The following CNTN5 variants were observed in gnomAD, a reference collection of about 807,000 sequenced individuals.
The protein encoded by CNTN5 is contactin-5.
A neutral mutation model predicts 129.1 loss-of-function variants in CNTN5; 77 were observed. The observed-to-expected ratio is 0.60, with a 90% CI of 0.50 to 0.72. CNTN5 has a LOEUF of 0.72. CNTN5 is among the 30% of genes least tolerant of loss of function. CNTN5 has a pLI of 0.00. For synonymous variants in CNTN5, 509 were observed against 465.6 expected, an observed-to-expected ratio of 1.09 and a Z score of -1.20; for missense variants, 1,478 against 1,328.8, an observed-to-expected ratio of 1.11 and a Z score of -1.75.
chr11:99,568,367 G>A (rs1032860164), intron 3 of CNTN5, among the ~76,000 whole-genome samples: 3 of 152,170 alleles, frequency 2.0e-5, no homozygotes, highest in Admixed American at 6.5e-5. Context: ...GTGAATGAAT[G>A]TTTATATTAT....
intron 3 of CNTN5, among the ~76,000 whole-genome samples, chr11:99,654,687 C>T (rs921792804): frequency 3.3e-5 from 5 of 152,126 alleles, no homozygotes; most frequent in Admixed American, 6.6e-5. Context: ...CCCTTAAGTG[C>T]TTAAAAGGTC....
intron 16 of CNTN5, among the ~76,000 whole-genome samples, chr11:100,255,082 G>A (rs1034687939): frequency 6.6e-6 from 1 of 151,958 alleles, no homozygotes. Context: ...TAATCAAAAG[G>A]GAATTAATCC....
At chr11:99,688,310 G>C (rs1953882151) in intron 3 of CNTN5, among the ~76,000 whole-genome samples, 2 of 152,082 alleles carry the variant, frequency 1.3e-5, no homozygotes, top group Admixed American at 6.6e-5. Context: ...CCAAAGTGCT[G>C]GGATTACAGG....
intron 1 of CNTN5, among the ~76,000 whole-genome samples, chr11:99,215,124 T>C (rs1429821486): frequency 6.6e-6 from 1 of 152,148 alleles, no homozygotes; most frequent in Non-Finnish European, 1.5e-5. Flanking sequence ...GTCCCATCAA[T>C]TACTTGAGAA....
intron 1 of CNTN5, among the ~76,000 whole-genome samples, chr11:99,114,220 T>A (rs1340567495): frequency 6.7e-6 from 1 of 148,908 alleles, no homozygotes; most frequent in East Asian, 2.0e-4. Flanking sequence ...TACTGATTTA[T>A]TTTAATATTA....
intron 3 of CNTN5, among the ~76,000 whole-genome samples, chr11:99,677,852 G>A (rs771255100): frequency 4.6e-5 from 7 of 151,984 alleles, no homozygotes; most frequent in Non-Finnish European, 8.8e-5. Context: ...TCAACCTCAT[G>A]ACCTCGCAAT....
At chr11:99,241,318 G>GTTTTTTTTTTTT (rs10648459) in intron 1 of CNTN5, among the ~76,000 whole-genome samples, 1 of 88,042 alleles carries the variant, frequency 1.1e-5, no homozygotes, top group African/African-American at 4.3e-5. Flanking sequence ...TTGATTGTTG[G>GTTTTTTTTTTTT]TTTTTTTTTT....
chr11:99,891,799 A>T (rs989300027), intron 6 of CNTN5, among the ~76,000 whole-genome samples: 1 of 152,116 alleles, frequency 6.6e-6, no homozygotes, highest in Non-Finnish European at 1.5e-5. Flanking sequence ...ATACATGTGC[A>T]TATGTCTTTT....
chr11:99,758,231 T>A (rs1302431134), intron 3 of CNTN5, among the ~76,000 whole-genome samples: 1 of 152,002 alleles, frequency 6.6e-6, no homozygotes, highest in East Asian at 1.9e-4. Flanking sequence ...CCCTCCCTTT[T>A]TTTGCTCCTT....
At chr11:99,439,411 C>A (rs1300575347) in intron 2 of CNTN5, among the ~76,000 whole-genome samples, 2 of 151,842 alleles carry the variant, frequency 1.3e-5, no homozygotes, top group African/African-American at 4.8e-5. Context: ...AAATACTTAG[C>A]ATTTAGAAAT....
At chr11:100,227,878 A>T (rs1321532401) in intron 16 of CNTN5, among the ~76,000 whole-genome samples, 2 of 152,204 alleles carry the variant, frequency 1.3e-5, no homozygotes, top group Non-Finnish European at 2.9e-5. Context: ...AGATAATCTC[A>T]CTGAGGAGGA....
At chr11:100,337,328 A>T in intron 21 of CNTN5, 1 of 911,176 alleles carries the variant, frequency 1.1e-6, no homozygotes, top group Non-Finnish European at 1.8e-6. Context: ...CACCATACAT[A>T]TTCTGGAAGT....
intron 2 of CNTN5, among the ~76,000 whole-genome samples, chr11:99,521,113 G>T (rs1947259722): frequency 6.6e-6 from 1 of 152,086 alleles, no homozygotes; most frequent in Admixed American, 6.6e-5. Context: ...TCCACTATGG[G>T]ATGCTGAATC....
At chr11:99,987,718 T>C (rs1439629189) in intron 8 of CNTN5, among the ~76,000 whole-genome samples, 6 of 152,144 alleles carry the variant, frequency 3.9e-5, no homozygotes, top group Non-Finnish European at 5.9e-5. Context: ...GCAAACAATA[T>C]GAATGTTTCC....
intron 9 of CNTN5, among the ~76,000 whole-genome samples, chr11:100,022,117 A>T (rs938171701): frequency 6.6e-6 from 1 of 152,188 alleles, no homozygotes; most frequent in African/African-American, 2.4e-5. Context: ...AACACCCAGA[A>T]ACACCCAGAT....
intron 1 of CNTN5, among the ~76,000 whole-genome samples, chr11:99,175,960 T>A (rs1186189896): frequency 6.6e-6 from 1 of 152,182 alleles, no homozygotes; most frequent in Non-Finnish European, 1.5e-5. Context: ...ACACCACAAC[T>A]CAAGACACTA....
chr11:99,114,048 C>T (rs944012279), intron 1 of CNTN5, among the ~76,000 whole-genome samples: 1 of 151,988 alleles, frequency 6.6e-6, no homozygotes, highest in Non-Finnish European at 1.5e-5. Flanking sequence ...TTTCATAGTC[C>T]TTGTCAGTAG....
chr11:99,126,483 G>T (rs1858640096), intron 1 of CNTN5, among the ~76,000 whole-genome samples: 1 of 152,160 alleles, frequency 6.6e-6, no homozygotes, highest in Non-Finnish European at 1.5e-5. Context: ...TCCTGAATAG[G>T]TAGAGGAACT....
intron 2 of CNTN5, among the ~76,000 whole-genome samples, chr11:99,471,889 C>T (rs945222760): frequency 4.6e-5 from 7 of 152,082 alleles, no homozygotes; most frequent in African/African-American, 1.7e-4. Flanking sequence ...TACCTCAATA[C>T]CTATCATGAT....
Sources: gnomAD v4.1 joint callset for allele counts (sites outside exome capture counted in the v4.1 genomes callset) on GRCh38, gnomAD v4.1.1 for gene constraint, MANE v1.5 for transcripts, NCBI Gene and HGNC (gene_info 2026-07-23, HGNC 2026-07-21) for gene names.